The following SORCS1 variants were observed in gnomAD, a reference collection of about 807,000 sequenced individuals.
The protein encoded by SORCS1 is VPS10 domain-containing receptor SorCS1.
SORCS1 carries 60 observed loss-of-function variants against 146.1 expected under a neutral mutation model. The ratio of observed to expected loss-of-function variants is 0.41; its 90% confidence interval spans 0.33 to 0.51. SORCS1 has a LOEUF of 0.51. SORCS1 is among the 20% of genes least tolerant of loss of function. The pLI, the probability that SORCS1 is intolerant of heterozygous loss-of-function variation, is 0.21. For synonymous variants in SORCS1, 637 were observed against 584.0 expected (o/e 1.09, Z -1.31); for missense variants, 1,352 against 1,487.6 (o/e 0.91, Z 1.50).
chr10:106,638,167 C>A (rs900240661), intron 18 of SORCS1, among the ~76,000 whole-genome samples: 2 of 152,156 alleles, frequency 1.3e-5, no homozygotes, highest in Non-Finnish European at 2.9e-5. Context: ...CATCAGCAGG[C>A]TCTGGCTAGA....
intron 1 of SORCS1, among the ~76,000 whole-genome samples, chr10:107,048,777 T>C (rs17121987): frequency 0.011 from 1,629 of 152,184 alleles, 15 homozygotes; most frequent in South Asian, 0.029. Context: ...GGAAAAACCA[T>C]AGAAGGGACA....
chr10:106,764,219 G>A (rs1026851333), intron 4 of SORCS1, among the ~76,000 whole-genome samples: 5 of 152,164 alleles, frequency 3.3e-5, no homozygotes, highest in African/African-American at 9.7e-5. Context: ...AGACAAAATT[G>A]CTCTATATTC....
chr10:106,996,450 C>A (rs1300811577), intron 1 of SORCS1, among the ~76,000 whole-genome samples: 1 of 152,096 alleles, frequency 6.6e-6, no homozygotes, highest in Non-Finnish European at 1.5e-5. Context: ...ATGCTACAGA[C>A]AAAATGCATA....
intron 2 of SORCS1, among the ~76,000 whole-genome samples, chr10:106,870,416 C>T (rs997732423): frequency 1.3e-5 from 2 of 152,134 alleles, no homozygotes. Flanking sequence ...CTGGAGGCAC[C>T]ACATTTCCTG....
At position 106,652,415 on chromosome 10, in the gene SORCS1, T is replaced by A; in HGVS notation, c.2442A>T (p.Gly814=). ...TADGKLTAEQ[G]HNVTLMVQLE... ...ATTGCACCATGAGAGTGACGTTGTG[T>A]CCTTGTTCCGCTGTCAGCTTTCCAT... Residue 814 remains glycine, a synonymous_variant, in exon 18 of 26, where the codon GGA becomes GGT. Coordinates refer to ENST00000263054, the MANE Select transcript of SORCS1 (RefSeq NM_052918.5). 1 of 1,614,124 alleles carries A rather than the reference T, an allele frequency of 6.2e-7. No homozygotes were observed.
intron 1 of SORCS1, among the ~76,000 whole-genome samples, chr10:107,027,827 C>G (rs1016472378): frequency 6.6e-6 from 1 of 152,180 alleles, no homozygotes; most frequent in Non-Finnish European, 1.5e-5. Flanking sequence ...GGATTTCTGT[C>G]AAGTTACCCC....
intron 1 of SORCS1, among the ~76,000 whole-genome samples, chr10:107,081,837 AGAG>A (rs757008858): frequency 5.9e-5 from 9 of 152,248 alleles, no homozygotes; most frequent in Non-Finnish European, 1.3e-4. Flanking sequence ...AGAAAACCAC[AGAG>A]AAGAATTCAC....
chr10:107,033,785 A>G (rs7093647), intron 1 of SORCS1, among the ~76,000 whole-genome samples: 54,795 of 151,990 alleles, frequency 0.36, 9,906 homozygotes, highest in Admixed American at 0.41. Context: ...CTTTTCTTAA[A>G]TCCTCACCCC....
Position 107,139,154 on chromosome 10 carries a change from C to T in SORCS1, c.558+24815G>A, listed in dbSNP as rs369876464. On this transcript the variant is annotated intron_variant, in intron 1 of 25. Coordinates refer to ENST00000263054, the MANE Select transcript of SORCS1 (RefSeq NM_052918.5). ...AAGATTAAATCTGATGAATTAAATT[C>T]CCATTTGCTTAAATCTTCTGGATAT... Among the ~76,000 whole-genome samples the T allele has an allele frequency of 1.3e-4, 20 of 152,162 alleles. No homozygotes were observed. The East Asian group carries it at 3.3e-3, about 25-fold the overall frequency.
At chr10:106,916,575 TACACACACAC>T (rs59313831) in intron 2 of SORCS1, among the ~76,000 whole-genome samples, 3 of 142,838 alleles carry the variant, frequency 2.1e-5, no homozygotes, top group African/African-American at 7.7e-5. Flanking sequence ...TGCATATATA[TACACACACAC>T]ACACACACAC....
intron 8 of SORCS1, among the ~76,000 whole-genome samples, chr10:106,702,268 CA>C (rs1400983888): frequency 6.6e-6 from 1 of 152,148 alleles, no homozygotes; most frequent in Non-Finnish European, 1.5e-5. Flanking sequence ...CAACTATTCC[CA>C]ATTCATCTTC....
chr10:106,733,113 AAAGAAAAGAAAAG>A (rs749467701), intron 5 of SORCS1, among the ~76,000 whole-genome samples: 2 of 130,126 alleles, frequency 1.5e-5, no homozygotes, highest in Non-Finnish European at 3.3e-5. Context: ...ATTTCAAAAA[AAAGAAAAGAAAAG>A]AAAAGAAAAG....
chr10:106,737,932 A>G (rs2756248), intron 5 of SORCS1, among the ~76,000 whole-genome samples: 119,174 of 152,196 alleles, frequency 0.78, 47,525 homozygotes, highest in Non-Finnish European at 0.87. Flanking sequence ...CATACCCTGC[A>G]TATTTTTAGC....
intron 1 of SORCS1, among the ~76,000 whole-genome samples, chr10:107,018,129 T>C (rs777638233): frequency 9.2e-5 from 14 of 152,254 alleles, no homozygotes; most frequent in Non-Finnish European, 2.9e-5. Flanking sequence ...CTAGTTGATT[T>C]TCATTAGATC....
rs778001946 is a variant in SORCS1, at chr10:106,671,359, T to C, written c.2067A>G (p.Ala689=). The change falls in exon 16 of 26, where the codon GCA becomes GCG. Residue 689 remains alanine (A), a synonymous_variant. Coordinates refer to ENST00000263054, the MANE Select transcript of SORCS1 (RefSeq NM_052918.5). ...ATATCCTTTTTGCTCCCATGATACA[T>C]GCTTCCCCCTGTAAGCAGAGAAGGA... The part of the protein sequence containing the change: ...RPWQLHSQGE[A]CIMGAKRIYK... 2 of 1,614,068 alleles carry C rather than the reference T, an allele frequency of 1.2e-6. No homozygotes were observed. The highest frequency in any genetic ancestry group is 3.3e-5 in the Admixed American group (2 of 60,022).
chr10:107,069,644 G>A (rs936541584), intron 1 of SORCS1, among the ~76,000 whole-genome samples: 1 of 152,106 alleles, frequency 6.6e-6, no homozygotes, highest in African/African-American at 2.4e-5. Flanking sequence ...CAAAAGTGCT[G>A]GGATTACAGG....
At chr10:107,086,398 T>A (rs969731596) in intron 1 of SORCS1, among the ~76,000 whole-genome samples, 1 of 152,188 alleles carries the variant, frequency 6.6e-6, no homozygotes, top group Non-Finnish European at 1.5e-5. Context: ...AGTTACTACA[T>A]AACAGCTTAA....
intron 1 of SORCS1, among the ~76,000 whole-genome samples, chr10:107,065,415 TTTTCTTTC>T (rs151043663): frequency 0.025 from 3,024 of 120,068 alleles, 88 homozygotes; most frequent in Middle Eastern, 0.048. Flanking sequence ...TCTCTCTTTC[TTTTCTTTC>T]TTTCTTTCTT....
At chr10:106,789,051 G>A (rs1440757421) in intron 3 of SORCS1, among the ~76,000 whole-genome samples, 1 of 152,178 alleles carries the variant, frequency 6.6e-6, no homozygotes, top group Non-Finnish European at 1.5e-5. Flanking sequence ...AATACCATGT[G>A]GAAGTCACCA....
Sources: allele counts gnomAD v4.1 joint callset (sites outside exome capture counted in the v4.1 genomes callset), GRCh38; gene constraint gnomAD v4.1.1; transcripts MANE v1.5; gene names NCBI Gene and HGNC (gene_info 2026-07-23, HGNC 2026-07-21).